The following RAB31 variants were observed in gnomAD, a reference collection of about 807,000 sequenced individuals.
RAB31 encodes the protein RAB31, member RAS oncogene family, also known as ras-related protein Rab-31.
A neutral mutation model predicts 25.6 loss-of-function variants in RAB31; 21 were observed. The observed-to-expected ratio is 0.82, with a 90% CI of 0.58 to 1.18. The LOEUF (loss-of-function observed/expected upper bound fraction) is 1.18, where lower values mean the gene tolerates loss of function less well. RAB31 is among the 50% of genes most tolerant of loss of function. The pLI, the probability that RAB31 is intolerant of heterozygous loss-of-function variation, is 0.00. For missense variants in RAB31, 196 were observed against 250.1 expected (o/e 0.78, Z 1.46); for synonymous variants, 87 against 84.0 (o/e 1.04, Z -0.20).
intron 1 of RAB31, among the ~76,000 whole-genome samples, chr18:9,742,432 A>G (rs1033182525): frequency 6.6e-6 from 1 of 152,204 alleles, no homozygotes. Flanking sequence ...CTTCAAGCCG[A>G]CAGGAAGGGG....
intron 1 of RAB31, among the ~76,000 whole-genome samples, chr18:9,758,407 C>T (rs1419198914): frequency 1.3e-5 from 2 of 151,942 alleles, no homozygotes; most frequent in African/African-American, 4.8e-5. Context: ...CTGACTCACT[C>T]GGACAGCCTT....
intron 1 of RAB31, among the ~76,000 whole-genome samples, chr18:9,712,656 G>C (rs1360230982): frequency 2.0e-5 from 3 of 152,256 alleles, no homozygotes; most frequent in Non-Finnish European, 2.9e-5. Flanking sequence ...GCAGGAGGAA[G>C]GGAGAGAGTG....
intron 5 of RAB31, among the ~76,000 whole-genome samples, chr18:9,826,432 A>G (rs2068650249): frequency 6.6e-6 from 1 of 152,122 alleles, no homozygotes; most frequent in African/African-American, 2.4e-5. Flanking sequence ...AAACACACAC[A>G]CAAAACACAA....
chr18:9,806,685 T>C (rs2068543617), intron 3 of RAB31, among the ~76,000 whole-genome samples: 1 of 152,148 alleles, frequency 6.6e-6, no homozygotes, highest in African/African-American at 2.4e-5. Context: ...TGGATTTATA[T>C]AGGAAGAAAT....
intron 1 of RAB31, among the ~76,000 whole-genome samples, chr18:9,715,360 C>T (rs1406444788): frequency 6.6e-6 from 1 of 151,992 alleles, no homozygotes; most frequent in African/African-American, 2.4e-5. Flanking sequence ...ATTGACACCC[C>T]CTACTCCCTG....
intron 5 of RAB31, among the ~76,000 whole-genome samples, chr18:9,824,370 G>A (rs1395808360): frequency 6.6e-6 from 1 of 151,286 alleles, no homozygotes; most frequent in Non-Finnish European, 1.5e-5. Flanking sequence ...AGGTGTGTGT[G>A]TGTAGATGTG....
chr18:9,795,400 T>C (rs1432480709), intron 3 of RAB31, among the ~76,000 whole-genome samples: 1 of 152,122 alleles, frequency 6.6e-6, no homozygotes, highest in Admixed American at 6.5e-5. Flanking sequence ...TTAATTAAAC[T>C]AAAAAGCTTC....
intron 5 of RAB31, among the ~76,000 whole-genome samples, chr18:9,831,625 A>T (rs532292175): frequency 4.7e-4 from 71 of 152,328 alleles, no homozygotes; most frequent in Non-Finnish European, 8.4e-4. Flanking sequence ...GTGTGTGGGC[A>T]CGGCGCTGTG....
chr18:9,800,516 C>T (rs1216824786), intron 3 of RAB31, among the ~76,000 whole-genome samples: 2 of 152,158 alleles, frequency 1.3e-5, no homozygotes, highest in South Asian at 2.1e-4. Context: ...CCCAGTGAAG[C>T]GGCAGTGGTG....
intron 1 of RAB31, chr18:9,725,976 T>G (rs2068094541): frequency 6.6e-6 from 1 of 152,218 alleles, no homozygotes; most frequent in African/African-American, 2.4e-5. Context: ...TGTTATTTCA[T>G]TTAGTCCTCA....
At chr18:9,855,767 C>A (rs985712653) in intron 6 of RAB31, among the ~76,000 whole-genome samples, 1 of 152,110 alleles carries the variant, frequency 6.6e-6, no homozygotes, top group Non-Finnish European at 1.5e-5. Flanking sequence ...ATGTGTGTGA[C>A]TTATCCCAGG....
At chr18:9,808,018 C>T (rs1252714939) in intron 3 of RAB31, among the ~76,000 whole-genome samples, 3 of 152,240 alleles carry the variant, frequency 2.0e-5, no homozygotes, top group African/African-American at 7.2e-5. Flanking sequence ...CTCCCAACAT[C>T]GTTTTTGTGG....
Position 9,839,310 on chromosome 18 carries a change from C to T in RAB31, c.381-6272C>T, listed in dbSNP as rs1465384579. 3.3e-5 allele frequency among the ~76,000 whole-genome samples: 5 copies of T among 152,252 alleles called. No homozygotes were observed. The East Asian group carries it at 9.7e-4, about 29-fold the overall frequency. On this transcript the variant is annotated intron_variant, in intron 5 of 6. Coordinates refer to ENST00000578921, the MANE Select transcript of RAB31 (RefSeq NM_006868.4). ...TTTAAAATGGCTGTGGCTTCGGGGG[C>T]AAACAGGGGAAGAGTAAGGCATGAA...
rs185296915 is a variant in RAB31, at chr18:9,745,845, G to A, written c.40-29433G>A. On this transcript the variant is annotated intron_variant, in intron 1 of 6. Transcript: ENST00000578921. ...GTTCAATGGCAAAAGACTTGAAAGC[G>A]TTTCCTCAAAGATCAGGAACAAGAC... Among the ~76,000 whole-genome samples, 330 of 152,292 alleles carry A rather than the reference G, an allele frequency of 2.2e-3. No homozygotes were observed. In the Middle Eastern group the frequency reaches 0.031, roughly 14 times the overall value.
At chr18:9,849,037 C>T (rs1412084630) in intron 6 of RAB31, among the ~76,000 whole-genome samples, 2 of 152,140 alleles carry the variant, frequency 1.3e-5, no homozygotes, top group African/African-American at 2.4e-5. Flanking sequence ...TGGTATTCCT[C>T]CAGGCACCCT....
chr18:9,791,429 G>C (rs1370641030), intron 2 of RAB31, among the ~76,000 whole-genome samples: 1 of 106,896 alleles, frequency 9.4e-6, no homozygotes, highest in Admixed American at 1.5e-4. Flanking sequence ...ACGGAGTCTT[G>C]CTCTGTCACT....
At chr18:9,741,080 A>G (rs2068176204) in intron 1 of RAB31, among the ~76,000 whole-genome samples, 1 of 152,008 alleles carries the variant, frequency 6.6e-6, no homozygotes, top group Admixed American at 6.6e-5. Flanking sequence ...ATAGTGTAAT[A>G]GGCAGCCACT....
At chr18:9,741,394 A>AG (rs1403412897) in intron 1 of RAB31, among the ~76,000 whole-genome samples, 23 of 150,590 alleles carry the variant, frequency 1.5e-4, no homozygotes, top group Non-Finnish European at 2.7e-4. Context: ...AAAAAAAAAA[A>AG]AAAAAAAAAG....
chr18:9,813,088 A>G (rs2068582817), intron 3 of RAB31, among the ~76,000 whole-genome samples: 1 of 152,206 alleles, frequency 6.6e-6, no homozygotes, highest in African/African-American at 2.4e-5. Flanking sequence ...TCTGAGACTA[A>G]TGACCTCTCC....
Sources: gnomAD v4.1 joint callset for allele counts (sites outside exome capture counted in the v4.1 genomes callset) on GRCh38, gnomAD v4.1.1 for gene constraint, MANE v1.5 for transcripts, NCBI Gene and HGNC (gene_info 2026-07-23, HGNC 2026-07-21) for gene names.